RAD21: variants seen among roughly 807,000 people sequenced by gnomAD.
The protein encoded by RAD21 is double-strand-break repair protein rad21 homolog.
Under a neutral mutation model 71.5 loss-of-function variants are expected in RAD21, and 18 were observed. The observed-to-expected ratio is 0.25, with a 90% CI of 0.17 to 0.37. The LOEUF is 0.37. Ranked by LOEUF, RAD21 falls within the 10% of genes least tolerant of loss-of-function variation. The probability of loss-of-function intolerance (pLI) is 1.00; values close to 1 mark genes in which losing one functional copy is unlikely to be tolerated. For missense variants in RAD21, 493 were observed against 769.1 expected (o/e 0.64, Z 4.25); for synonymous variants, 248 against 254.0 (o/e 0.98, Z 0.22).
At chr8:116,872,565 C>T (rs3020132) in intron 1 of RAD21, among the ~76,000 whole-genome samples, 12,380 of 148,768 alleles carry the variant, frequency 0.083, 1,462 homozygotes, top group African/African-American at 0.25. Flanking sequence ...CACACACACA[C>T]ATATTTTAAC....
rs16888965 is a variant in RAD21 at position 116,862,004 on chromosome 8, G to A, written c.275-64C>T. On this transcript the variant is annotated intron_variant, in intron 3 of 13. Coordinates refer to ENST00000297338, the MANE Select transcript of RAD21 (RefSeq NM_006265.3). ...ATAAATTATCTAGGGATCAGAGGGA[G>A]ATAAGTAGGTATAACTTCCTAAGTT... is the stretch of plus-strand genomic sequence containing the variant. 15 of 1,267,782 alleles carry A rather than the reference G, an allele frequency of 1.2e-5. No homozygotes were observed. In the East Asian group the frequency reaches 3.3e-4, roughly 28 times the overall value. 78.5% of individuals were successfully genotyped at this position (1,267,782 alleles called of 1,614,324 possible). A position where few individuals can be genotyped will look rare whatever the true frequency, so the allele number is the denominator to read the frequency against.
In RAD21 at chr8:116,874,742, G is replaced by A. The variant is rs1185920513; in HGVS notation, c.-164C>T. ...GCAGCTCCCGCCGCCGCCACAGCCG[G>A]CGCCTCCTTTCCGATTCACTCAAAC... On this transcript the variant is annotated 5_prime_UTR_variant, in exon 1 of 14. Transcript: ENST00000297338. The A allele has an allele frequency of 2.2e-6, 1 of 454,898 alleles. No individual in the cohort carries two copies. Among genetic ancestry groups the A allele is most frequent in the Non-Finnish European group, 4.4e-6 (1 of 225,926 alleles). The allele number at this position is 454,898 out of a possible 1,614,324, so 28.2% of individuals were successfully genotyped here.
In RAD21 at chr8:116,846,550, AACTT is replaced by A; in HGVS notation, c.*946_*949del. ...CACTGGAAAAGGAGATCAGTACTAA[AACTT>A]ACAATAAATATCAGAGAAGCCGTTA... On this transcript the variant is annotated 3_prime_UTR_variant, in exon 14 of 14. Transcript: ENST00000297338. 4.4e-6 allele frequency: 1 copy of A among 228,610 alleles called. No homozygotes were observed. The highest frequency in any genetic ancestry group is 1.4e-3 in the Middle Eastern group (1 of 740). 14.2% of individuals were successfully genotyped at this position (228,610 alleles called of 1,614,324 possible).
chr8:116,867,109 T>C (rs1319899230), intron 1 of RAD21: 1 of 156,220 alleles, frequency 6.4e-6, no homozygotes, highest in Non-Finnish European at 1.4e-5. Flanking sequence ...GAAAAGAAAA[T>C]CTATGAAGAA....
At chr8:116,871,276 T>G (rs776845973) in intron 1 of RAD21, among the ~76,000 whole-genome samples, 1 of 152,214 alleles carries the variant, frequency 6.6e-6, no homozygotes, top group Non-Finnish European at 1.5e-5. Flanking sequence ...GAAAACCCTG[T>G]GCAGAAAATC....
chr8:116,856,770 A>T lies in RAD21; in HGVS notation c.690T>A (p.Asp230Glu). The T allele has an allele frequency of 6.6e-6, 10 of 1,518,902 alleles. No individual in the cohort carries two copies. The highest frequency in any genetic ancestry group is 8.0e-6 in the Non-Finnish European group (9 of 1,128,538). 94.1% of individuals were successfully genotyped at this position (1,518,902 alleles called of 1,614,324 possible). ...CATCATTATTACTAATAAGTTTGTC[A>T]TCTGAAATAGGGAATGTAAGTTAGT... is the stretch of plus-strand genomic sequence containing the variant. ...FGEGNDGGIL[D>E]DKLISNNDGG... Residue 230 changes from aspartate (D) to glutamate (E), a missense_variant and splice_region_variant, in exon 7 of 14, where the codon GAT becomes GAA. By Grantham distance (45) the Asp-to-Glu change is conservative (BLOSUM62 2). This residue lies in a region of RAD21 where 165 missense variants were observed against 229.6 expected (regional missense o/e 0.72). Coordinates refer to ENST00000297338, the MANE Select transcript of RAD21 (RefSeq NM_006265.3).
chr8:116,869,773 GAC>G (rs16893998), intron 1 of RAD21, among the ~76,000 whole-genome samples: 4,140 of 152,194 alleles, frequency 0.027, 76 homozygotes, highest in Middle Eastern at 0.078. Context: ...AATGCTGAAA[GAC>G]ACAGAGAAGC....
At chr8:116,857,126 G>T in intron 6 of RAD21, 141 bp downstream of exon 6, 1 of 686,750 alleles carries the variant, frequency 1.5e-6, no homozygotes, top group Non-Finnish European at 2.4e-6. Context: ...TTACCGAAAT[G>T]TCCTATTGAA....
intron 4 of RAD21, among the ~76,000 whole-genome samples, chr8:116,861,503 T>G (rs1177542216): frequency 6.6e-6 from 1 of 151,444 alleles, no homozygotes; most frequent in Non-Finnish European, 1.5e-5. Context: ...GTAGCTGACT[T>G]TAATATATAA....
At position 116,874,749 on chromosome 8, in the gene RAD21, C is replaced by G. The variant is rs1317327858; in HGVS notation, c.-171G>C. The G allele has an allele frequency of 2.2e-6, 1 of 455,754 alleles. No individual in the cohort carries two copies. Among genetic ancestry groups the G allele is most frequent in the South Asian group, 1.6e-5 (1 of 64,508 alleles). The allele number at this position is 455,754 out of a possible 1,614,324, so 28.2% of individuals were successfully genotyped here. On this transcript the variant is annotated 5_prime_UTR_variant, in exon 1 of 14. Transcript: ENST00000297338. ...CCGCCGCCGCCACAGCCGGCGCCTC[C>G]TTTCCGATTCACTCAAACAAACAAG... is the stretch of plus-strand genomic sequence containing the variant.
intron 5 of RAD21, among the ~76,000 whole-genome samples, chr8:116,857,973 AG>A (rs1468987205): frequency 1.2e-4 from 19 of 152,320 alleles, no homozygotes; most frequent in African/African-American, 4.6e-4. Context: ...AACACAGCAG[AG>A]ACCCCGCCTC....
At chr8:116,849,190 T>C (rs1812303880) in intron 12 of RAD21, 161 bp from the exon 13 acceptor site, 3 of 497,170 alleles carry the variant, frequency 6.0e-6, no homozygotes, top group Non-Finnish European at 1.0e-5. Context: ...GCATTTAGAG[T>C]ACAAACTGAA....
At chr8:116,863,296 A>C (rs1342380548) in intron 2 of RAD21, 37 bp from the exon 3 acceptor site, 2 of 1,585,534 alleles carry the variant, frequency 1.3e-6, no homozygotes, top group African/African-American at 2.7e-5. Context: ...CAAAACCTGC[A>C]TTTCGTGCCA....
chr8:116,854,755 T>C (rs1586266494), intron 8 of RAD21, among the ~76,000 whole-genome samples: 1 of 152,232 alleles, frequency 6.6e-6, no homozygotes, highest in South Asian at 2.1e-4. Context: ...TTTGCCTATG[T>C]AGTTTTATAC....
At chr8:116,871,124 C>T (rs911187880) in intron 1 of RAD21, among the ~76,000 whole-genome samples, 1 of 152,164 alleles carries the variant, frequency 6.6e-6, no homozygotes, top group Non-Finnish European at 1.5e-5. Context: ...TGGTGTATAT[C>T]TGAATAAGGA....
chr8:116,847,788 C>T (rs1812276286), intron 13 of RAD21, 97 bp from the exon 14 acceptor site: 1 of 1,160,934 alleles, frequency 8.6e-7, no homozygotes, highest in Non-Finnish European at 1.2e-6. Flanking sequence ...CCCTCCAAAT[C>T]TCATGCTGAA....
intron 1 of RAD21, among the ~76,000 whole-genome samples, chr8:116,870,380 A>G (rs527658814): frequency 6.6e-6 from 1 of 152,364 alleles, no homozygotes; most frequent in Admixed American, 6.5e-5. Context: ...AAAAAAAGAA[A>G]TTAAAGAATG....
chr8:116,872,537 CAT>C (rs1321338500), intron 1 of RAD21, among the ~76,000 whole-genome samples: 1 of 122,904 alleles, frequency 8.1e-6, no homozygotes, highest in East Asian at 2.4e-4. Context: ...TATATATATA[CAT>C]ACACACACAC....
chr8:116,874,372 G>C (rs917183645), intron 1 of RAD21: 1 of 168,520 alleles, frequency 5.9e-6, no homozygotes, highest in East Asian at 1.9e-4. Flanking sequence ...CCGAACAAGC[G>C]ATGATGCGGG....
Sources: gnomAD v4.1 joint callset for allele counts (sites outside exome capture counted in the v4.1 genomes callset) on GRCh38, gnomAD v4.1.1 for gene constraint, gnomAD v4.1.1 regional missense constraint, MANE v1.5 for transcripts, NCBI Gene and HGNC (gene_info 2026-07-23, HGNC 2026-07-21) for gene names.